Variants in RFX3 observed in about 807,000 individuals in gnomAD.
RFX3 encodes the protein regulatory factor X3, also known as transcription factor RFX3.
A neutral mutation model predicts 98.6 loss-of-function variants in RFX3; 14 were observed. The ratio of observed to expected loss-of-function variants is 0.14; its 90% CI spans 0.09 to 0.22. The LOEUF (loss-of-function observed/expected upper bound fraction) is 0.22. Ranked by LOEUF, RFX3 falls within the 10% of genes least tolerant of loss-of-function variation. RFX3 has a pLI of 1.00. For synonymous variants in RFX3, 383 were observed against 328.4 expected (o/e 1.17, Z -1.80); for missense variants, 639 against 926.9 (o/e 0.69, Z 4.03).
chr9:3,524,989 G>C (rs547398336), intron 1 of RFX3, among the ~76,000 whole-genome samples: 10 of 141,744 alleles, frequency 7.1e-5, no homozygotes, highest in East Asian at 4.1e-4. Context: ...AGGGGTGTGT[G>C]GGGGGGGGGA....
intron 1 of RFX3, among the ~76,000 whole-genome samples, chr9:3,466,789 T>C (rs549786396): frequency 6.6e-6 from 1 of 151,932 alleles, no homozygotes; most frequent in African/African-American, 2.4e-5. Context: ...TTGCCCGAAG[T>C]CAAAGATATT....
intron 1 of RFX3, among the ~76,000 whole-genome samples, chr9:3,449,587 C>G (rs746036425): frequency 6.6e-6 from 1 of 152,190 alleles, no homozygotes; most frequent in Admixed American, 6.5e-5. Flanking sequence ...TGGCCAGGCA[C>G]AGTGCCCCAT....
At chr9:3,403,061 A>G (rs1052110348) in intron 1 of RFX3, among the ~76,000 whole-genome samples, 12 of 152,096 alleles carry the variant, frequency 7.9e-5, no homozygotes, top group African/African-American at 2.9e-4. Context: ...ACATTTAAAT[A>G]TATGTTTAAA....
Position 3,297,523 on chromosome 9 carries a change from G to A in RFX3, c.549+4023C>T, listed in dbSNP as rs529128942. 1.1e-3 allele frequency among the ~76,000 whole-genome samples: 164 copies of A among 152,032 alleles called. 1 individual carries two copies. Among genetic ancestry groups the A allele is most frequent in the African/African-American group, 3.9e-3 (161 of 41,504 alleles). On this transcript the variant is annotated intron_variant, in intron 5 of 16. Coordinates refer to ENST00000617270, the MANE Select transcript of RFX3 (RefSeq NM_001282116.2). ...TGACAAATAAAAAGAAATAAATATT[G>A]CATTGCCCAATTAACATCTAAATGT...
intron 1 of RFX3, among the ~76,000 whole-genome samples, chr9:3,440,585 T>G (rs1465781576): frequency 1.3e-5 from 2 of 152,088 alleles, no homozygotes; most frequent in Non-Finnish European, 1.5e-5. Flanking sequence ...TAAAAGAAAT[T>G]AGAGGGCTAA....
intron 1 of RFX3, among the ~76,000 whole-genome samples, chr9:3,433,636 T>C (rs1247878237): frequency 2.0e-5 from 3 of 152,192 alleles, no homozygotes; most frequent in Non-Finnish European, 4.4e-5. Context: ...TGTATTTCAT[T>C]TGTATTGTAG....
intron 1 of RFX3, among the ~76,000 whole-genome samples, chr9:3,407,853 G>C (rs1364057681): frequency 6.6e-6 from 1 of 152,110 alleles, no homozygotes; most frequent in Admixed American, 6.5e-5. Context: ...TTGAATCATG[G>C]AATATTCAGA....
At chr9:3,373,619 G>A (rs1044701928) in intron 2 of RFX3, among the ~76,000 whole-genome samples, 3 of 152,082 alleles carry the variant, frequency 2.0e-5, no homozygotes, top group Non-Finnish European at 4.4e-5. Context: ...AGGAATAAAA[G>A]GTATAAGGAA....
chr9:3,353,405 GGAGCA>G (rs1212203813), intron 2 of RFX3, among the ~76,000 whole-genome samples: 2 of 151,908 alleles, frequency 1.3e-5, no homozygotes, highest in African/African-American at 2.4e-5. Flanking sequence ...CTGAAATGTG[GGAGCA>G]GAGTATTAAA....
intron 2 of RFX3, among the ~76,000 whole-genome samples, chr9:3,369,334 A>G (rs1235052821): frequency 6.6e-6 from 1 of 152,158 alleles, no homozygotes; most frequent in African/African-American, 2.4e-5. Flanking sequence ...GGGTCTCTCT[A>G]GGTTGTCTTT....
chr9:3,483,625 CAAT>C (rs1850001028), intron 1 of RFX3, among the ~76,000 whole-genome samples: 1 of 152,076 alleles, frequency 6.6e-6, no homozygotes, highest in Non-Finnish European at 1.5e-5. Flanking sequence ...TATAAAAGCA[CAAT>C]AATTCACATT....
intron 16 of RFX3, 90 bp from the exon 17 acceptor site, chr9:3,225,370 C>T: frequency 6.5e-7 from 1 of 1,527,242 alleles, no homozygotes. Context: ...TAATATAGGA[C>T]ATTACGAAAG....
intron 15 of RFX3, among the ~76,000 whole-genome samples, chr9:3,233,893 A>G (rs565670281): frequency 2.0e-5 from 3 of 152,176 alleles, no homozygotes; most frequent in South Asian, 4.1e-4. Flanking sequence ...TATAAATATC[A>G]TCATTATCTC....
At chr9:3,256,906 T>C in intron 14 of RFX3, 85 bp downstream of exon 14, 1 of 1,268,430 alleles carries the variant, frequency 7.9e-7, no homozygotes. Context: ...TTTCTTTTCT[T>C]TTGTCACAGA....
At chr9:3,316,901 C>T (rs1052693087) in intron 4 of RFX3, among the ~76,000 whole-genome samples, 5 of 152,128 alleles carry the variant, frequency 3.3e-5, no homozygotes, top group African/African-American at 1.2e-4. Flanking sequence ...ATTCCATAAC[C>T]ATGGATAGGA....
At chr9:3,385,687 TAA>T (rs1163965329) in intron 2 of RFX3, among the ~76,000 whole-genome samples, 23 of 118,634 alleles carry the variant, frequency 1.9e-4, no homozygotes, top group Admixed American at 1.8e-4. Context: ...CAGCCTGTCT[TAA>T]AAAAAAAAAA....
intron 3 of RFX3, among the ~76,000 whole-genome samples, chr9:3,333,371 G>C (rs572563618): frequency 6.6e-6 from 1 of 151,568 alleles, no homozygotes; most frequent in Non-Finnish European, 1.5e-5. Context: ...TCCAGAAAGA[G>C]CCACAGCAAA....
chr9:3,349,065 T>C lies in RFX3; in HGVS notation c.118-2301A>G, dbSNP rs201600827. On this transcript the variant is annotated intron_variant, in intron 2 of 16. Transcript: ENST00000617270. ...TCTTTTCATTGAACCAAGCTAGAAA[T>C]ACACATATTTTTTGAAGGATAAAAA... Among the ~76,000 whole-genome samples the C allele has an allele frequency of 3.9e-5, 6 of 152,264 alleles. No homozygotes were observed. In the East Asian group the frequency reaches 1.2e-3, roughly 29 times the overall value.
chr9:3,491,832 T>C (rs1366854565), intron 1 of RFX3, among the ~76,000 whole-genome samples: 1 of 152,206 alleles, frequency 6.6e-6, no homozygotes, highest in East Asian at 1.9e-4. Flanking sequence ...TTGTATATTA[T>C]TCAATTATTC....
Sources: allele counts gnomAD v4.1 joint callset (sites outside exome capture counted in the v4.1 genomes callset), GRCh38; gene constraint gnomAD v4.1.1; transcripts MANE v1.5; gene names NCBI Gene and HGNC (gene_info 2026-07-23, HGNC 2026-07-21).